The following MAU2 variants were observed in gnomAD, a reference collection of about 807,000 sequenced individuals.
MAU2 encodes MAU2 chromatid cohesion factor homolog.
MAU2 carries 9 observed loss-of-function variants against 89.1 expected under a neutral mutation model. The observed-to-expected ratio is 0.10, with a 90% CI of 0.06 to 0.18. The LOEUF is 0.18. Among genes scored for constraint, MAU2 ranks in the 10% least tolerant of loss-of-function variants. The pLI is 1.00. For synonymous variants in MAU2, 357 were observed against 343.4 expected (o/e 1.04, Z -0.44); for missense variants, 425 against 803.5 (o/e 0.53, Z 5.69).
At chr19:19,354,520 C>A in intron 17 of MAU2, 75 bp downstream of exon 17, 2 of 1,329,684 alleles carry the variant, frequency 1.5e-6, no homozygotes, top group Non-Finnish European at 2.1e-6. Context: ...TGGGCATGTC[C>A]TGCTCAGCCT....
chr19:19,354,226 C>T (rs1467679594), intron 16 of MAU2, 129 bp from the exon 17 acceptor site: 15 of 697,532 alleles, frequency 2.2e-5, no homozygotes, highest in Middle Eastern at 2.4e-4. Flanking sequence ...GTTCACCAGA[C>T]GCAGAAGGAG....
chr19:19,344,788 C>A, intron 10 of MAU2, 61 bp from the exon 11 acceptor site: 1 of 1,414,408 alleles, frequency 7.1e-7, no homozygotes, highest in Non-Finnish European at 9.9e-7. Flanking sequence ...CTCTCCATTG[C>A]TGCTCAGACG....
intron 1 of MAU2, among the ~76,000 whole-genome samples, chr19:19,334,899 A>T (rs1278955165): frequency 6.6e-6 from 1 of 151,602 alleles, no homozygotes; most frequent in East Asian, 1.9e-4. Flanking sequence ...TGTGCTCCGG[A>T]TCCACCTTCC....
intron 16 of MAU2, chr19:19,354,054 A>G (rs2045244323): frequency 2.2e-6 from 1 of 444,634 alleles, no homozygotes. Context: ...GTCTAGGGCT[A>G]ACGGCCATCA....
chr19:19,342,369 G>A (rs1265740316), intron 7 of MAU2, among the ~76,000 whole-genome samples, 166 bp from the exon 8 acceptor site: 1 of 152,194 alleles, frequency 6.6e-6, no homozygotes, highest in African/African-American at 2.4e-5. Context: ...CAAAAGCCTG[G>A]CTGATTCATG....
At chr19:19,343,087 C>T (rs2061665824) in intron 9 of MAU2, among the ~76,000 whole-genome samples, 1 of 152,156 alleles carries the variant, frequency 6.6e-6, no homozygotes, top group African/African-American at 2.4e-5. Flanking sequence ...TGGTCAGGTC[C>T]CTTGTGCCCA....
At chr19:19,342,455 A>G (rs1423817816) in intron 7 of MAU2, 80 bp from the exon 8 acceptor site, 6 of 1,458,666 alleles carry the variant, frequency 4.1e-6, no homozygotes, top group Non-Finnish European at 5.5e-6. Flanking sequence ...CCCTAGAGGA[A>G]GGAGCAGGGG....
chr19:19,335,697 G>A (rs200078702), intron 1 of MAU2, 21 bp from the exon 2 acceptor site: 13 of 1,614,036 alleles, frequency 8.1e-6, no homozygotes, highest in South Asian at 6.6e-5. Flanking sequence ...AGAATTAATC[G>A]TTGTTTTCTT....
rs758949640 is a variant in MAU2, at chr19:19,341,236, G to A, written c.580-16G>A. 1.1e-5 allele frequency: 17 copies of A among 1,607,776 alleles called. No homozygotes were observed. The highest frequency in any genetic ancestry group is 2.2e-5 in the South Asian group (2 of 90,900). On this transcript the variant is annotated splice_polypyrimidine_tract_variant and intron_variant, in intron 6 of 18. Transcript: ENST00000262815. ...TGCAAGCCCTGTACCCTACACCTGC[G>A]CCTCTCCCTCCCCAGCTGCTGCTGA... is the stretch of plus-strand genomic sequence containing the variant.
At position 19,354,375 on chromosome 19, in the gene MAU2, G is replaced by A. The variant is rs765885228; in HGVS notation, c.1569G>A (p.Val523=). The change falls in exon 17 of 19, where the codon GTG becomes GTA. Residue 523 remains valine, a synonymous_variant. Coordinates refer to ENST00000262815, the MANE Select transcript of MAU2 (RefSeq NM_015329.4). ...GNHRESNNMV[V]PAMQLASKIP... ...GACAGGAGAGTAACAACATGGTGGTGCCTGCCATGCAGCTCGCCAGCAAGA... is the reference window on the plus strand; with the variant it reads ...GACAGGAGAGTAACAACATGGTGGTACCTGCCATGCAGCTCGCCAGCAAGA... 1.1e-5 allele frequency: 18 copies of A among 1,613,898 alleles called. No homozygotes were observed. The Admixed American group carries it at 2.5e-4, about 22-fold the overall frequency.
chr19:19,336,335 C>CT (rs1341433406), intron 3 of MAU2, 148 bp downstream of exon 3: 3 of 618,178 alleles, frequency 4.9e-6, no homozygotes, highest in Non-Finnish European at 8.6e-6. Context: ...GGGTCTCACT[C>CT]TGTCGCCCAG....
intron 13 of MAU2, 172 bp from the exon 14 acceptor site, chr19:19,348,717 T>C (rs2061715429): frequency 1.4e-6 from 1 of 724,072 alleles, no homozygotes; most frequent in Non-Finnish European, 2.4e-6. Context: ...GTGGAAATCT[T>C]GCCCCCGGCC....
intron 1 of MAU2, among the ~76,000 whole-genome samples, chr19:19,322,096 C>G (rs10402799): frequency 0.034 from 5,089 of 151,758 alleles, 306 homozygotes; most frequent in African/African-American, 0.12. Context: ...CTCCCGGGTT[C>G]AGGCCATTCT....
At position 19,342,523 on chromosome 19, in the gene MAU2, G is replaced by C; in HGVS notation, c.736-12G>C. The C allele has an allele frequency of 6.4e-7, 1 of 1,551,074 alleles. No homozygotes were observed. Among genetic ancestry groups the C allele is most frequent in the Non-Finnish European group, 8.7e-7 (1 of 1,146,658 alleles). On this transcript the variant is annotated splice_polypyrimidine_tract_variant and intron_variant, in intron 7 of 18. Coordinates refer to ENST00000262815, the MANE Select transcript of MAU2 (RefSeq NM_015329.4). ...AGGCTCAGGTGGATGCTCGGGTGTGGGTGCTGCACAGGTGAAGAGCGTGAA... is the reference window on the plus strand; with the variant it reads ...AGGCTCAGGTGGATGCTCGGGTGTGCGTGCTGCACAGGTGAAGAGCGTGAA...
Position 19,355,938 on chromosome 19 carries a change from G to A in MAU2, c.*156G>A, listed in dbSNP as rs2048173345. On this transcript the variant is annotated 3_prime_UTR_variant, in exon 19 of 19. Transcript: ENST00000262815. The stretch of plus-strand genomic sequence containing the variant: ...GCGGGGCCAGTCCCTGCCCTCCCAG[G>A]AGGGGTGGTAGCCGTTCCCACCTCG... 1 of 776,782 alleles carries A rather than the reference G, an allele frequency of 1.3e-6. No individual in the cohort carries two copies. The allele number at this position is 776,782 out of a possible 1,614,324, so 48.1% of individuals were successfully genotyped here.
intron 3 of MAU2, among the ~76,000 whole-genome samples, chr19:19,336,409 C>T (rs2061597325): frequency 6.6e-6 from 1 of 152,112 alleles, no homozygotes; most frequent in Admixed American, 6.6e-5. Flanking sequence ...AAGTGATCCT[C>T]CCACCTCAGC....
chr19:19,321,251 T>A (rs2061452169), intron 1 of MAU2, 116 bp downstream of exon 1: 1 of 1,250,924 alleles, frequency 8.0e-7, no homozygotes, highest in Non-Finnish European at 1.0e-6. Flanking sequence ...GGGCGCGACC[T>A]CCGTCAAAGC....
At position 19,344,839 on chromosome 19, in the gene MAU2, C is replaced by A; in HGVS notation, c.1078-10C>A. On this transcript the variant is annotated splice_polypyrimidine_tract_variant and intron_variant, in intron 10 of 18. Coordinates refer to ENST00000262815, the MANE Select transcript of MAU2 (RefSeq NM_015329.4). ...CAGTCCTGTGATGGCAGTACACTCT[C>A]TCCCGGCAGATCTCCCAGGTCTGCC... is the stretch of plus-strand genomic sequence containing the variant. 2 of 1,612,704 alleles carry A rather than the reference C, an allele frequency of 1.2e-6. No homozygotes were observed. The highest frequency in any genetic ancestry group is 1.7e-6 in the Non-Finnish European group (2 of 1,179,238).
At position 19,355,371 on chromosome 19, in the gene MAU2, C is replaced by G; in HGVS notation, c.1747C>G (p.Pro583Ala). 6.2e-7 allele frequency: 1 copy of G among 1,614,022 alleles called. No homozygotes were observed. Among genetic ancestry groups the G allele is most frequent in the Non-Finnish European group, 8.5e-7 (1 of 1,179,968 alleles). The change falls in exon 18 of 19, where the codon CCC (proline) becomes GCC (alanine). Residue 583 changes from proline to alanine, a missense_variant. Physicochemically the swap from Pro to Ala is conservative, Grantham distance 27 (BLOSUM62 -1). Transcript: ENST00000262815. The part of the protein sequence containing the change: ...LQDHIEACSL[P>A]EHNLITWTDG... Reference sequence around the variant, plus strand: ...GGACCACATTGAGGCCTGCAGCCTCCCCGAACACAACCTCATCACGGTACG... The same window carrying G: ...GGACCACATTGAGGCCTGCAGCCTCGCCGAACACAACCTCATCACGGTACG...
Sources: gnomAD v4.1 joint callset for allele counts (sites outside exome capture counted in the v4.1 genomes callset) on GRCh38, gnomAD v4.1.1 for gene constraint, MANE v1.5 for transcripts, NCBI Gene and HGNC (gene_info 2026-07-23, HGNC 2026-07-21) for gene names.